Variants in TNXB observed in about 807,000 individuals in gnomAD.
TNXB encodes tenascin-X.
Under a neutral mutation model 340.5 loss-of-function variants are expected in TNXB, and 183 were observed. The ratio of observed to expected loss-of-function variants is 0.54; its 90% confidence interval spans 0.48 to 0.61. The LOEUF (loss-of-function observed/expected upper bound fraction) is 0.61, where lower values mean the gene tolerates loss of function less well. Ranked by LOEUF, TNXB falls within the 20% of genes least tolerant of loss-of-function variation. TNXB has a pLI of 0.00. For missense variants in TNXB, 4,613 were observed against 5,446.4 expected, an observed-to-expected ratio of 0.85 and a Z score of 4.82; for synonymous variants, 2,121 against 2,314.5, an observed-to-expected ratio of 0.92 and a Z score of 2.40.
At position 32,072,441 on chromosome 6, in the gene TNXB, C is replaced by A; in HGVS notation, c.4682-143G>T. On this transcript the variant is annotated intron_variant, in intron 12 of 43. Transcript: ENST00000644971. This position sits in a 1 kb window ranked among gnomAD's most constrained non-coding sequence, Gnocchi z 4.4. ...GACCTCTAACTGAAATGCAGCATTT[C>A]TTTCCAAAACTAATATAGAAAACCC... 1.6e-6 allele frequency: 1 copy of A among 623,244 alleles called. No homozygotes were observed. 38.6% of individuals were successfully genotyped at this position (623,244 alleles called of 1,614,324 possible).
chr6:32,054,156 C>T (rs1243062363), intron 24 of TNXB, among the ~76,000 whole-genome samples: 1 of 152,124 alleles, frequency 6.6e-6, no homozygotes, highest in Non-Finnish European at 1.5e-5. Context: ...GTACCTCTCC[C>T]CCGAGTTTCC....
In TNXB at chr6:32,081,405, C is replaced by A. The variant is rs376857127; in HGVS notation, c.4005G>T (p.Arg1335Ser). ...YKMNLYGLRG[R>S]QRVGPESVVA... ...CCACAGACTCGGGCCCCACACGCTG[C>A]CTGCCACGAAGCCCGTAGAGGTTCA... is the stretch of plus-strand genomic sequence containing the variant. Residue 1335 changes from arginine to serine, a missense_variant, in exon 10 of 44, where the codon AGG becomes AGT. Physicochemically the swap from Arg to Ser is moderately radical, Grantham distance 110 (BLOSUM62 -1). Around this residue, in one of 7 missense-constraint regions of TNXB, gnomAD observed 4,327 missense variants for 4,859.4 expected, o/e 0.89. Coordinates refer to ENST00000644971, the MANE Select transcript of TNXB (RefSeq NM_001365276.2). The surrounding 1 kb of genome is among the most constrained non-coding windows in gnomAD (Gnocchi z 5.1). 1.2e-5 allele frequency: 18 copies of A among 1,545,850 alleles called. No individual in the cohort carries two copies. Among genetic ancestry groups the A allele is most frequent in the Non-Finnish European group, 1.6e-5 (18 of 1,143,564 alleles).
intron 1 of TNXB, among the ~76,000 whole-genome samples, chr6:32,099,202 A>G (rs1462243217): frequency 1.3e-5 from 2 of 151,272 alleles, no homozygotes; most frequent in African/African-American, 2.4e-5. Context: ...TCTTCTAAGA[A>G]AAGTGCAGAT....
chr6:32,098,273 C>T, intron 1 of TNXB, 67 bp from the exon 2 acceptor site: 1 of 1,300,698 alleles, frequency 7.7e-7, no homozygotes, highest in Non-Finnish European at 1.0e-6. Flanking sequence ...CCCCCTTCTC[C>T]AGCACATACC....
chr6:32,069,812 G>C lies in TNXB; in HGVS notation c.5328C>G (p.Pro1776=), dbSNP rs750778358. 30 of 1,609,864 alleles carry C rather than the reference G, an allele frequency of 1.9e-5. No homozygotes were observed. The Admixed American group carries it at 4.8e-4, about 26-fold the overall frequency. Reference sequence around the variant, plus strand: ...TCACCTGCAGCTCCTCCCCCAGACGGGGTTTTGGGGGACGCTTTGTTCCAG... The same window carrying C: ...TCACCTGCAGCTCCTCCCCCAGACGCGGTTTTGGGGGACGCTTTGTTCCAG... ...DDTGTKRPPK[P]RLGEELQVTT... is the part of the protein sequence containing the mutation. The change falls in exon 15 of 44, where the codon CCC becomes CCG. Residue 1776 remains proline (P), a synonymous_variant. Transcript: ENST00000644971. The surrounding 1 kb of genome is among the most constrained non-coding windows in gnomAD (Gnocchi z 6.2).
At chr6:32,063,077 CAA>C (rs1778128273) in intron 19 of TNXB, among the ~76,000 whole-genome samples, 1 of 147,750 alleles carries the variant, frequency 6.8e-6, no homozygotes, top group Non-Finnish European at 1.5e-5. Flanking sequence ...CAAACAAAAA[CAA>C]ACAAACAAAC....
Position 32,089,252 on chromosome 6 carries a change from C to A in TNXB, c.2486G>T (p.Gly829Val). The A allele has an allele frequency of 6.2e-7, 1 of 1,605,748 alleles. No homozygotes were observed. Among genetic ancestry groups the A allele is most frequent in the Non-Finnish European group, 8.5e-7 (1 of 1,176,898 alleles). Residue 829 changes from glycine to valine, a missense_variant, in exon 5 of 44, where the codon GGC becomes GTC. By Grantham distance (109) the Gly-to-Val change is moderately radical. This residue lies in a region of TNXB where 4,327 missense variants were observed against 4,859.4 expected (regional missense o/e 0.89). Transcript: ENST00000644971. This position sits in a 1 kb window ranked among gnomAD's most constrained non-coding sequence, Gnocchi z 6.2. ...TVRALRGTSW[G>V]LPASKTITTM... is the part of the protein sequence containing the mutation. ...GGTGATGGTCTTGGAGGCAGGAAGG[C>A]CCCAGCTGGTCCCTCGAAGGGCTCG... is the stretch of plus-strand genomic sequence containing the variant.
rs1778841183 is a variant in TNXB at position 32,072,596 on chromosome 6, T to C, written c.4682-298A>G. On this transcript the variant is annotated intron_variant, in intron 12 of 43. Coordinates refer to ENST00000644971, the MANE Select transcript of TNXB (RefSeq NM_001365276.2). The surrounding 1 kb of genome is among the most constrained non-coding windows in gnomAD (Gnocchi z 4.4). ...ACTGCTTCTAAATTTTGTAGTTTAG[T>C]AAACGCGCCACCAAGTCCTGTTATT... Among the ~76,000 whole-genome samples the C allele has an allele frequency of 6.6e-6, 1 of 152,274 alleles. No homozygotes were observed. Among genetic ancestry groups the C allele is most frequent in the African/African-American group, 2.4e-5 (1 of 41,476 alleles).
chr6:32,058,481 G>C lies in TNXB; in HGVS notation c.7493-91C>G. 1 of 1,067,178 alleles carries C rather than the reference G, an allele frequency of 9.4e-7. No homozygotes were observed. Among genetic ancestry groups the C allele is most frequent in the South Asian group, 1.7e-5 (1 of 57,720 alleles). The allele number at this position is 1,067,178 out of a possible 1,614,324, so 66.1% of individuals were successfully genotyped here. A position where few individuals can be genotyped will look rare whatever the true frequency, so the allele number is the denominator to read the frequency against. ...TCAACAGAGGTCATACATCAAATGT[G>C]CCCCTCCAGAGCAGGCTGAGGGCTG... is the stretch of plus-strand genomic sequence containing the variant. On this transcript the variant is annotated intron_variant, in intron 21 of 43. Transcript: ENST00000644971. The surrounding 1 kb of genome is among the most constrained non-coding windows in gnomAD (Gnocchi z 5.1).
At chr6:32,086,321 C>CCTGT (rs1179238999) in intron 6 of TNXB, among the ~76,000 whole-genome samples, 2 of 152,184 alleles carry the variant, frequency 1.3e-5, no homozygotes, top group African/African-American at 4.8e-5. Context: ...AGCAGACGGG[C>CCTGT]CTGTGCTTCA....
At position 32,088,884 on chromosome 6, in the gene TNXB, G is replaced by A. The variant is rs1393775857; in HGVS notation, c.2680C>T (p.Leu894=). 1.0e-5 allele frequency: 16 copies of A among 1,588,352 alleles called. No homozygotes were observed. The highest frequency in any genetic ancestry group is 1.1e-5 in the Non-Finnish European group (13 of 1,167,542). Residue 894 remains leucine (L), a synonymous_variant, in exon 6 of 44, where the codon CTG becomes TTG. Transcript: ENST00000644971. ...LEVPPEADGT[L]LTDLMPGVEY... ...ACGCCTGGCATCAGGTCAGTCAGCA[G>A]CGTCCCGTCTGCTTCAGGGGGCACT...
rs894572733 is a variant in TNXB, at chr6:32,069,231, A to G, written c.5588-95T>C. 7.8e-7 allele frequency: 1 copy of G among 1,283,118 alleles called. No individual in the cohort carries two copies. Among genetic ancestry groups the G allele is most frequent in the African/African-American group, 1.5e-5 (1 of 67,684 alleles). 79.5% of individuals were successfully genotyped at this position (1,283,118 alleles called of 1,614,324 possible). A position where few individuals can be genotyped will look rare whatever the true frequency, so the allele number is the denominator to read the frequency against. On this transcript the variant is annotated intron_variant, in intron 15 of 43. Coordinates refer to ENST00000644971, the MANE Select transcript of TNXB (RefSeq NM_001365276.2). This position sits in a 1 kb window ranked among gnomAD's most constrained non-coding sequence, Gnocchi z 6.2. ...GGGAGGAGAGGGAGTGAGGGCAAGC[A>G]GTCAGCAATCGAAAGACCAGCTTTT...
intron 1 of TNXB, among the ~76,000 whole-genome samples, chr6:32,104,124 C>A (rs1353204375): frequency 6.6e-6 from 1 of 152,172 alleles, no homozygotes; most frequent in Admixed American, 6.5e-5. Context: ...ACCAGAACGA[C>A]CAAGTAAGTG....
chr6:32,085,191 T>C lies in TNXB; in HGVS notation c.3149-482A>G, dbSNP rs903971011. Among the ~76,000 whole-genome samples, 19 of 152,158 alleles carry C rather than the reference T, an allele frequency of 1.2e-4. No homozygotes were observed. The highest frequency in any genetic ancestry group is 4.6e-4 in the African/African-American group (19 of 41,496). On this transcript the variant is annotated intron_variant, in intron 7 of 43. Coordinates refer to ENST00000644971, the MANE Select transcript of TNXB (RefSeq NM_001365276.2). This position sits in a 1 kb window ranked among gnomAD's most constrained non-coding sequence, Gnocchi z 6.4. ...TACCCCAGGACCTGTCTTTCACTGG[T>C]CCTGCAAACCTCATCCATGTCTGAA...
chr6:32,043,858 G>T lies in TNXB; in HGVS notation c.11421C>A (p.Ala3807=), dbSNP rs761117807. The change falls in exon 35 of 44, where the codon GCC becomes GCA. Residue 3807 remains alanine, a synonymous_variant. Coordinates refer to ENST00000644971, the MANE Select transcript of TNXB (RefSeq NM_001365276.2). ...EPQSVQVDGQ[A]RTQKLQGLIP... ...TCAGCCCCTGGAGTTTCTGGGTCCG[G>T]GCCTGGCCATCCACCTGCACACTCT... 6.2e-7 allele frequency: 1 copy of T among 1,613,746 alleles called. No homozygotes were observed. The highest frequency in any genetic ancestry group is 1.1e-5 in the South Asian group (1 of 91,088).
rs928717468 is a variant in TNXB at position 32,070,024 on chromosome 6, G to A, written c.5278+103C>T. ...GGACGTGGGGAGCTGGATCTGAGCC[G>A]AGTGGCTGGGGCCAAATAATGGTAA... On this transcript the variant is annotated intron_variant, in intron 14 of 43. Transcript: ENST00000644971. This position sits in a 1 kb window ranked among gnomAD's most constrained non-coding sequence, Gnocchi z 6.0. 3 of 1,414,146 alleles carry A rather than the reference G, an allele frequency of 2.1e-6. No individual in the cohort carries two copies. The highest frequency in any genetic ancestry group is 2.4e-5 in the East Asian group (1 of 40,948). 87.6% of individuals were successfully genotyped at this position (1,414,146 alleles called of 1,614,324 possible).
Position 32,073,747 on chromosome 6 carries a change from G to T in TNXB, c.4581C>A (p.Val1527=). Residue 1527 remains valine (V), a synonymous_variant, in exon 12 of 44, where the codon GTC becomes GTA. Transcript: ENST00000644971. This position sits in a 1 kb window ranked among gnomAD's most constrained non-coding sequence, Gnocchi z 4.6. ...VVPVAADQRE[V]TVYNLEPERK... Reference sequence around the variant, plus strand: ...TCTCAGGCTCCAGGTTGTAGACTGTGACCTCTCGCTGGTCTGCCGCCACCG... The same window carrying T: ...TCTCAGGCTCCAGGTTGTAGACTGTTACCTCTCGCTGGTCTGCCGCCACCG... 1 of 1,612,496 alleles carries T rather than the reference G, an allele frequency of 6.2e-7. No homozygotes were observed. Among genetic ancestry groups the T allele is most frequent in the Non-Finnish European group, 8.5e-7 (1 of 1,179,536 alleles).
At position 32,081,970 on chromosome 6, in the gene TNXB, G is replaced by C; in HGVS notation, c.3736+66C>G. On this transcript the variant is annotated intron_variant, in intron 9 of 43. Transcript: ENST00000644971. The surrounding 1 kb of genome is among the most constrained non-coding windows in gnomAD (Gnocchi z 5.1). ...TGCTGGGGGACCCCAGCTGGTTTTG[G>C]GCTGAAGGGAAGTGTGCATGGGGCT... The C allele has an allele frequency of 6.7e-7, 1 of 1,489,410 alleles. No individual in the cohort carries two copies. The highest frequency in any genetic ancestry group is 2.4e-5 in the East Asian group (1 of 41,436). 92.3% of individuals were successfully genotyped at this position (1,489,410 alleles called of 1,614,324 possible).
chr6:32,076,443 C>T (rs567284079), intron 11 of TNXB, among the ~76,000 whole-genome samples: 223 of 152,346 alleles, frequency 1.5e-3, no homozygotes, highest in Non-Finnish European at 2.2e-3. Context: ...ATGCCCATTT[C>T]TTTCCTAAAG....
Sources: gnomAD v4.1 joint callset for allele counts (sites outside exome capture counted in the v4.1 genomes callset) on GRCh38, gnomAD v4.1.1 for gene constraint, gnomAD v4.1.1 regional missense constraint, Gnocchi (gnomAD v3.1) non-coding constraint, MANE v1.5 for transcripts, NCBI Gene and HGNC (gene_info 2026-07-23, HGNC 2026-07-21) for gene names.